Variants in PAG1 observed in about 807,000 individuals in gnomAD.
The protein encoded by PAG1 is phosphoprotein membrane anchor with glycosphingolipid microdomains 1.
Under a neutral mutation model 31.7 loss-of-function variants are expected in PAG1, and 23 were observed. The observed-to-expected ratio is 0.73, with a 90% CI of 0.52 to 1.03. The LOEUF is 1.03. PAG1 is among the 50% of genes least tolerant of loss of function. The pLI is 0.00. For synonymous variants in PAG1, 214 were observed against 210.3 expected (o/e 1.02, Z -0.15); for missense variants, 473 against 540.7 (o/e 0.87, Z 1.24).
At chr8:80,994,055 C>CCCCACTGCCATCTCTCATCTCCCTA (rs1563621526) in intron 3 of PAG1, among the ~76,000 whole-genome samples, 2 of 150,776 alleles carry the variant, frequency 1.3e-5, no homozygotes, top group African/African-American at 4.9e-5. Flanking sequence ...TGCCCCTGCC[C>CCCCACTGCCATCTCTCATCTCCCTA]CCCACTGCCA....
intron 6 of PAG1, among the ~76,000 whole-genome samples, chr8:80,986,689 G>A (rs958901906): frequency 1.3e-5 from 2 of 152,092 alleles, no homozygotes; most frequent in Admixed American, 1.3e-4. Context: ...AGGGTATGGA[G>A]GGATTAGGGC....
intron 1 of PAG1, among the ~76,000 whole-genome samples, chr8:81,079,976 C>T (rs1015584889): frequency 2.6e-5 from 4 of 151,924 alleles, no homozygotes; most frequent in Middle Eastern, 3.2e-3. Flanking sequence ...TGCCATCTTG[C>T]CCAGGCTTGT....
At chr8:81,074,712 T>C (rs1809149994) in intron 1 of PAG1, among the ~76,000 whole-genome samples, 1 of 152,132 alleles carries the variant, frequency 6.6e-6, no homozygotes, top group South Asian at 2.1e-4. Context: ...TGATTCACAC[T>C]AAATTTGGGG....
At chr8:81,071,415 C>G (rs1016694156) in intron 1 of PAG1, among the ~76,000 whole-genome samples, 31 of 152,204 alleles carry the variant, frequency 2.0e-4, no homozygotes, top group African/African-American at 7.2e-4. Flanking sequence ...TGGCCTTTTG[C>G]TGGGAAATCC....
intron 2 of PAG1, among the ~76,000 whole-genome samples, chr8:81,035,934 CAT>C (rs1423090619): frequency 6.6e-6 from 1 of 151,772 alleles, no homozygotes; most frequent in East Asian, 1.9e-4. Flanking sequence ...GTTATAAACA[CAT>C]ATTAACACAT....
At chr8:81,017,756 G>T (rs1170853896) in intron 3 of PAG1, among the ~76,000 whole-genome samples, 1 of 152,144 alleles carries the variant, frequency 6.6e-6, no homozygotes, top group Non-Finnish European at 1.5e-5. Context: ...AACTTTGGCT[G>T]CATATTCAAA....
At chr8:81,072,549 A>G (rs980631870) in intron 1 of PAG1, among the ~76,000 whole-genome samples, 1 of 152,178 alleles carries the variant, frequency 6.6e-6, no homozygotes, top group Admixed American at 6.5e-5. Context: ...ACTTATTAAA[A>G]CACAATAATT....
intron 1 of PAG1, among the ~76,000 whole-genome samples, chr8:81,111,066 A>C (rs755796654): frequency 2.0e-5 from 3 of 152,256 alleles, no homozygotes; most frequent in Non-Finnish European, 4.4e-5. Flanking sequence ...GCCTTAGGGC[A>C]TAAAACACCG....
At chr8:81,105,870 G>A (rs367979961) in intron 1 of PAG1, among the ~76,000 whole-genome samples, 3 of 152,100 alleles carry the variant, frequency 2.0e-5, no homozygotes, top group Admixed American at 1.3e-4. Flanking sequence ...CTCTCAACAC[G>A]GAGATGGCAG....
intron 1 of PAG1, among the ~76,000 whole-genome samples, chr8:81,077,033 C>T (rs772982544): frequency 1.1e-4 from 17 of 152,156 alleles, no homozygotes; most frequent in South Asian, 4.1e-4. Flanking sequence ...GCTGACTGCA[C>T]GTTCATAGAA....
At chr8:81,040,502 T>C (rs1808535691) in intron 2 of PAG1, among the ~76,000 whole-genome samples, 1 of 152,192 alleles carries the variant, frequency 6.6e-6, no homozygotes, top group African/African-American at 2.4e-5. Context: ...ATCCAAAGAT[T>C]CTTCTGCAAT....
At chr8:81,032,656 G>A (rs1808395531) in intron 2 of PAG1, among the ~76,000 whole-genome samples, 1 of 152,206 alleles carries the variant, frequency 6.6e-6, no homozygotes, top group Non-Finnish European at 1.5e-5. Flanking sequence ...CTTTGAAACA[G>A]TCTGTTAGTT....
rs559338477 is a variant in PAG1, at chr8:81,052,285, C to CT, written c.-175+17826dup. On this transcript the variant is annotated intron_variant, in intron 2 of 8. Coordinates refer to ENST00000220597, the MANE Select transcript of PAG1 (RefSeq NM_018440.4). ...TTTTATGTGATACTCTGTGTCGAGA[C>CT]TTTAAGTGCCACCTCTAGCTTAGGT... 1.1e-4 allele frequency among the ~76,000 whole-genome samples: 17 copies of CT among 152,194 alleles called. No individual in the cohort carries two copies. In the South Asian group the frequency reaches 3.5e-3, roughly 32 times the overall value.
rs979759201 is a variant in PAG1 at position 80,974,320 on chromosome 8, G to A, written c.*2224C>T. On this transcript the variant is annotated 3_prime_UTR_variant, in exon 9 of 9. Transcript: ENST00000220597. Reference sequence around the variant, plus strand: ...TGTAAGATGACATGGCTGTTACCATGTACTAAAGAACCCCATCATGTGAGA... The same window carrying A: ...TGTAAGATGACATGGCTGTTACCATATACTAAAGAACCCCATCATGTGAGA... 1 of 152,082 alleles carries A rather than the reference G, an allele frequency of 6.6e-6. No homozygotes were observed. Among genetic ancestry groups the A allele is most frequent in the African/African-American group, 2.4e-5 (1 of 41,404 alleles). 9.4% of individuals were successfully genotyped at this position (152,082 alleles called of 1,614,324 possible). A position where few individuals can be genotyped will look rare whatever the true frequency, so the allele number is the denominator to read the frequency against.
At chr8:81,065,917 C>G (rs1316408912) in intron 2 of PAG1, among the ~76,000 whole-genome samples, 1 of 152,026 alleles carries the variant, frequency 6.6e-6, no homozygotes, top group Non-Finnish European at 1.5e-5. Context: ...ACTTGACTTA[C>G]ATGGCCTAGC....
chr8:81,048,280 T>C (rs2705497), intron 2 of PAG1, among the ~76,000 whole-genome samples: 108,289 of 152,032 alleles, frequency 0.71, 40,716 homozygotes, highest in Non-Finnish European at 0.84. Flanking sequence ...CTGTCTTATA[T>C]TGGGGGAGAA....
At chr8:81,030,338 AAAGCCACGT>A (rs1242736713) in intron 2 of PAG1, among the ~76,000 whole-genome samples, 1 of 152,234 alleles carries the variant, frequency 6.6e-6, no homozygotes, top group Non-Finnish European at 1.5e-5. Context: ...TTTTAATAAA[AAAGCCACGT>A]AAGTGTCTAA....
At chr8:81,015,354 T>C (rs1808054769) in intron 3 of PAG1, among the ~76,000 whole-genome samples, 1 of 152,230 alleles carries the variant, frequency 6.6e-6, no homozygotes, top group Admixed American at 6.5e-5. Flanking sequence ...AACTGAAACA[T>C]TGTACTTGAC....
chr8:81,053,039 A>G (rs1034808984), intron 2 of PAG1, among the ~76,000 whole-genome samples: 2 of 152,242 alleles, frequency 1.3e-5, no homozygotes, highest in Non-Finnish European at 2.9e-5. Flanking sequence ...CAGTTATTAT[A>G]GCATAATTGT....
Sources: allele counts gnomAD v4.1 joint callset (sites outside exome capture counted in the v4.1 genomes callset), GRCh38; gene constraint gnomAD v4.1.1; transcripts MANE v1.5; gene names NCBI Gene and HGNC (gene_info 2026-07-23, HGNC 2026-07-21).